ADAM18: variants seen among roughly 807,000 people sequenced by gnomAD.
ADAM18 encodes the protein ADAM metallopeptidase domain 18.
Under a neutral mutation model 94.4 loss-of-function variants are expected in ADAM18, and 117 were observed. The ratio of observed to expected loss-of-function variants is 1.24; its 90% confidence interval spans 1.07 to 1.45. The LOEUF (loss-of-function observed/expected upper bound fraction) is 1.45. Ranked by LOEUF, ADAM18 falls within the 40% of genes most tolerant of loss-of-function variation. The pLI, the probability that ADAM18 is intolerant of heterozygous loss-of-function variation, is 0.00. For synonymous variants in ADAM18, 327 were observed against 291.6 expected, an observed-to-expected ratio of 1.12 and a Z score of -1.24; for missense variants, 936 against 880.0, an observed-to-expected ratio of 1.06 and a Z score of -0.81.
At chr8:39,612,966 C>T (rs1280997227) in intron 6 of ADAM18, among the ~76,000 whole-genome samples, 1 of 152,156 alleles carries the variant, frequency 6.6e-6, no homozygotes, top group Non-Finnish European at 1.5e-5. Context: ...GCTGTTGCAG[C>T]CTCACCCCTG....
intron 18 of ADAM18, among the ~76,000 whole-genome samples, chr8:39,715,706 A>G (rs984855323): frequency 2.6e-5 from 4 of 152,072 alleles, no homozygotes; most frequent in Non-Finnish European, 5.9e-5. Context: ...TAAAAAAACA[A>G]TTCATTGAAC....
intron 14 of ADAM18, among the ~76,000 whole-genome samples, chr8:39,676,734 A>T (rs1821313643): frequency 6.6e-6 from 1 of 152,198 alleles, no homozygotes; most frequent in Admixed American, 6.5e-5. Flanking sequence ...CATCGATCAC[A>T]CTGGGAGCTG....
At chr8:39,637,461 G>A (rs1163564264) in intron 8 of ADAM18, 76 bp from the exon 9 acceptor site, 4 of 1,420,706 alleles carry the variant, frequency 2.8e-6, no homozygotes, top group Non-Finnish European at 3.8e-6. Flanking sequence ...ACTGGAACAT[G>A]TTGTTTATTT....
At chr8:39,616,479 CA>C (rs142022354) in intron 6 of ADAM18, among the ~76,000 whole-genome samples, 32 of 152,256 alleles carry the variant, frequency 2.1e-4, no homozygotes, top group Non-Finnish European at 3.4e-4. Flanking sequence ...CTATTCCTAT[CA>C]AACAACCAAC....
At chr8:39,600,822 G>A (rs1252476523) in intron 2 of ADAM18, among the ~76,000 whole-genome samples, 2 of 152,206 alleles carry the variant, frequency 1.3e-5, no homozygotes, top group Non-Finnish European at 2.9e-5. Flanking sequence ...TTTTGAATGT[G>A]TCTGAAGGCA....
intron 2 of ADAM18, among the ~76,000 whole-genome samples, chr8:39,600,981 G>A (rs966792432): frequency 2.6e-5 from 4 of 152,162 alleles, no homozygotes; most frequent in African/African-American, 9.7e-5. Flanking sequence ...TGGGCAGGTT[G>A]TACAGGAAGC....
Position 39,620,573 on chromosome 8 carries a change from T to C in ADAM18, c.523-8801T>C, listed in dbSNP as rs916062807. Among the ~76,000 whole-genome samples, 118 of 147,168 alleles carry C rather than the reference T, an allele frequency of 8.0e-4. 5 individuals are homozygous for C. The highest frequency in any genetic ancestry group is 2.1e-4 in the Non-Finnish European group (14 of 66,954). On this transcript the variant is annotated intron_variant, in intron 6 of 19. Transcript: ENST00000265707. Reference sequence around the variant, plus strand: ...ATTAAAAATATAATAATTTATATATTATATATGTAATATATAATATATATA... The same window carrying C: ...ATTAAAAATATAATAATTTATATATCATATATGTAATATATAATATATATA...
chr8:39,667,961 T>A lies in ADAM18; in HGVS notation c.1327-37T>A, dbSNP rs746288156. The A allele has an allele frequency of 5.1e-6, 8 of 1,580,822 alleles. No homozygotes were observed. The African/African-American group carries it at 8.1e-5, about 16-fold the overall frequency. On this transcript the variant is annotated intron_variant, in intron 13 of 19. Transcript: ENST00000265707. ...TCACTAAGCAATTGAGAAAAATGAT[T>A]TACAGAACTTAATTTTATTTTTCCT...
At chr8:39,622,821 T>C (rs1476171863) in intron 6 of ADAM18, among the ~76,000 whole-genome samples, 1 of 152,164 alleles carries the variant, frequency 6.6e-6, no homozygotes, top group Non-Finnish European at 1.5e-5. Flanking sequence ...ACACTGATGT[T>C]TGTAAACCTC....
At chr8:39,629,948 C>T (rs997737927) in intron 7 of ADAM18, among the ~76,000 whole-genome samples, 1 of 151,866 alleles carries the variant, frequency 6.6e-6, no homozygotes, top group Admixed American at 6.6e-5. Flanking sequence ...AATGGGCCAT[C>T]CTTTCTCTTA....
chr8:39,645,421 C>T lies in ADAM18; in HGVS notation c.993C>T (p.Asp331=), dbSNP rs1820351757. 6.2e-7 allele frequency: 1 copy of T among 1,612,366 alleles called. No homozygotes were observed. Among genetic ancestry groups the T allele is most frequent in the Admixed American group, 1.7e-5 (1 of 59,896 alleles). The change falls in exon 11 of 20, where the codon GAC becomes GAT. Residue 331 remains aspartate, a synonymous_variant. Transcript: ENST00000265707. ...LGLNVGLTYD[D]ITQCFCLRAT... ...TTAATGTAGGATTAACATATGATGA[C>T]ATCACTCAGTGTTTCTGTCTGAGAG...
At chr8:39,661,478 T>C (rs930532617) in intron 12 of ADAM18, among the ~76,000 whole-genome samples, 11 of 151,852 alleles carry the variant, frequency 7.2e-5, no homozygotes. Flanking sequence ...CCAGCCTCTC[T>C]TTTCTATATT....
intron 6 of ADAM18, among the ~76,000 whole-genome samples, chr8:39,628,866 T>C (rs924972704): frequency 1.3e-5 from 2 of 152,048 alleles, no homozygotes; most frequent in African/African-American, 2.4e-5. Context: ...TTGTGTGTCA[T>C]TTGATATAAA....
chr8:39,624,710 G>C (rs1038091384), intron 6 of ADAM18, among the ~76,000 whole-genome samples: 22 of 152,296 alleles, frequency 1.4e-4, no homozygotes, highest in African/African-American at 4.8e-4. Context: ...CACGGAGGTG[G>C]TTTCTCATGG....
intron 12 of ADAM18, among the ~76,000 whole-genome samples, chr8:39,657,320 T>C (rs575757651): frequency 6.6e-6 from 1 of 152,200 alleles, no homozygotes; most frequent in African/African-American, 2.4e-5. Flanking sequence ...GTTTGTTTGT[T>C]TTTGTTTTTT....
At chr8:39,610,914 C>T in intron 6 of ADAM18, 1 of 1,209,726 alleles carries the variant, frequency 8.3e-7, no homozygotes, top group Non-Finnish European at 1.1e-6. Flanking sequence ...TATTATGTAA[C>T]ATTAATTTTT....
chr8:39,605,677 T>A (rs78437504), intron 2 of ADAM18: 7,698 of 223,634 alleles, frequency 0.034, 141 homozygotes, highest in Middle Eastern at 0.054. Context: ...ATATATATAT[T>A]TTTTTAAAAA....
intron 6 of ADAM18, among the ~76,000 whole-genome samples, chr8:39,617,744 C>T (rs1214649466): frequency 6.6e-6 from 1 of 152,034 alleles, no homozygotes; most frequent in African/African-American, 2.4e-5. Flanking sequence ...GAAATAGTAA[C>T]TCAAATACCA....
intron 19 of ADAM18, 63 bp downstream of exon 19, chr8:39,723,970 C>A: frequency 1.0e-6 from 1 of 992,396 alleles, no homozygotes; most frequent in Non-Finnish European, 1.4e-6. Flanking sequence ...CAGTGTCATG[C>A]ATTTTATATA....
Sources: gnomAD v4.1 joint callset for allele counts (sites outside exome capture counted in the v4.1 genomes callset) on GRCh38, gnomAD v4.1.1 for gene constraint, MANE v1.5 for transcripts, NCBI Gene and HGNC (gene_info 2026-07-23, HGNC 2026-07-21) for gene names.